C11orf65: variants seen among roughly 807,000 people sequenced by gnomAD.
C11orf65 encodes protein MFI.
A neutral mutation model predicts 35.3 loss-of-function variants in C11orf65; 38 were observed. The ratio of observed to expected loss-of-function variants is 1.08; its 90% CI spans 0.83 to 1.41. C11orf65 has a LOEUF of 1.41. Among genes scored for constraint, C11orf65 ranks in the 40% most tolerant of loss-of-function variants. C11orf65 has a pLI of 0.00. For missense variants in C11orf65, 370 were observed against 367.1 expected, an observed-to-expected ratio of 1.01 and a Z score of -0.06; for synonymous variants, 105 against 114.4, an observed-to-expected ratio of 0.92 and a Z score of 0.53.
intron 6 of C11orf65, among the ~76,000 whole-genome samples, chr11:108,393,635 G>A (rs1018223454): frequency 1.3e-5 from 2 of 152,124 alleles, no homozygotes; most frequent in Non-Finnish European, 2.9e-5. Flanking sequence ...GAAAAACTAA[G>A]TTATTAAATT....
At chr11:108,373,598 G>A (rs1002713594) in intron 2 of C11orf65, among the ~76,000 whole-genome samples, 16 of 152,342 alleles carry the variant, frequency 1.1e-4, no homozygotes, top group East Asian at 5.8e-4. Context: ...TGTGAGCGAC[G>A]CAGAAGACGG....
At chr11:108,335,150 T>C (rs764809565) in intron 3 of C11orf65, 16 of 1,613,052 alleles carry the variant, frequency 9.9e-6, no homozygotes, top group Non-Finnish European at 4.2e-6. Flanking sequence ...AGAGTTTTAG[T>C]GATGAAAATT....
intron 3 of C11orf65, chr11:108,333,008 A>C: frequency 1.5e-6 from 2 of 1,366,844 alleles, no homozygotes; most frequent in Non-Finnish European, 1.0e-6. Flanking sequence ...TCACAAACGT[A>C]ATCCAAAAGC....
rs898891038 is a variant in C11orf65, at chr11:108,425,629, A to G, written c.174+6117T>C. Among the ~76,000 whole-genome samples the G allele has an allele frequency of 3.3e-5, 5 of 152,060 alleles. No individual in the cohort carries two copies. In the East Asian group the frequency reaches 7.7e-4, roughly 24 times the overall value. On this transcript the variant is annotated intron_variant, in intron 3 of 8. Transcript: ENST00000393084. ...TCCAAACAATAGAAAAAGAGGGGCT[A>G]CTCCCTAACTCATTTTATGAGGCCA...
At chr11:108,314,571 A>C (rs2084456447) in intron 6 of C11orf65, among the ~76,000 whole-genome samples, 2 of 152,060 alleles carry the variant, frequency 1.3e-5, no homozygotes, top group Non-Finnish European at 1.5e-5. Context: ...GTCTAGGACC[A>C]GTCTACTGTG....
At chr11:108,343,090 G>T in intron 2 of C11orf65, 2 of 1,152,960 alleles carry the variant, frequency 1.7e-6, no homozygotes, top group Non-Finnish European at 2.6e-6. Context: ...AAGGAGCTTT[G>T]TCTTCTATGG....
chr11:108,333,163 T>C (rs2086465433), intron 3 of C11orf65, among the ~76,000 whole-genome samples: 1 of 152,196 alleles, frequency 6.6e-6, no homozygotes, highest in South Asian at 2.1e-4. Context: ...TTACAGAGAA[T>C]TGCATAATAG....
chr11:108,313,980 A>T (rs1416072187), intron 6 of C11orf65, among the ~76,000 whole-genome samples: 2 of 152,152 alleles, frequency 1.3e-5, no homozygotes, highest in Non-Finnish European at 2.9e-5. Context: ...TAACCAAACT[A>T]CTTTATCCAT....
chr11:108,430,442 A>G (rs2092970603), intron 3 of C11orf65, among the ~76,000 whole-genome samples: 1 of 151,734 alleles, frequency 6.6e-6, no homozygotes, highest in African/African-American at 2.4e-5. Flanking sequence ...CCCAGCCTGA[A>G]CTGTATTCTT....
chr11:108,445,997 G>T (rs566081660), intron 2 of C11orf65, among the ~76,000 whole-genome samples: 2 of 152,158 alleles, frequency 1.3e-5, no homozygotes, highest in Non-Finnish European at 2.9e-5. Context: ...AGGAGCCGAC[G>T]CGATCAACTG....
At position 108,374,031 on chromosome 11, in the gene C11orf65, A is replaced by C. The variant is rs566926230; in HGVS notation, c.226+19177T>G. On this transcript the variant is annotated intron_variant, in intron 2 of 3. Coordinates refer to the C11orf65 transcript ENST00000524755. Reference sequence around the variant, plus strand: ...TAAACAAAGCAGCCGGGAAGCTCCAACTGGGTGGAGCCCACCACAGCTCAA... The same window carrying C: ...TAAACAAAGCAGCCGGGAAGCTCCACCTGGGTGGAGCCCACCACAGCTCAA... Among the ~76,000 whole-genome samples the C allele has an allele frequency of 3.2e-4, 49 of 152,318 alleles. 1 individual carries two copies. In the East Asian group the frequency reaches 9.1e-3, roughly 28 times the overall value.
Position 108,407,997 on chromosome 11 carries a change from TTTATTATTA to T in C11orf65, c.175-857_175-849del, listed in dbSNP as rs140542318. On this transcript the variant is annotated intron_variant, in intron 3 of 8. Coordinates refer to ENST00000393084, the MANE Select transcript of C11orf65 (RefSeq NM_152587.5). The stretch of plus-strand genomic sequence containing the variant: ...TTATGAGCTAAGGACTTAATTTCTT[TTTATTATTA>T]TTATTATTATTATTATTATTATTTT... Among the ~76,000 whole-genome samples, 1,022 of 139,544 alleles carry T rather than the reference TTTATTATTA, an allele frequency of 7.3e-3. 15 individuals carry two copies. The highest frequency in any genetic ancestry group is 0.024 in the African/African-American group (906 of 38,188). The allele number at this position is 139,544 out of a possible 152,430, so 91.5% of individuals were successfully genotyped here. A position where few individuals can be genotyped will look rare whatever the true frequency, so the allele number is the denominator to read the frequency against.
At chr11:108,329,883 T>C (rs1337898896), downstream of C11orf65, among the ~76,000 whole-genome samples, 1 of 152,260 alleles carries the variant, frequency 6.6e-6, no homozygotes, top group East Asian at 1.9e-4. Context: ...GAGATAGATA[T>C]TGAAATTAAT....
rs1338371572 is a variant in C11orf65 at position 108,365,527 on chromosome 11, C to T, written c.226+27681G>A. ...GGTGTGATCTTCAGTATATGAATTA[C>T]CCTTTCATTCAGCCTTTAGAAATTA... On this transcript the variant is annotated intron_variant, in intron 2 of 3. Transcript: ENST00000524755. 8 of 1,612,356 alleles carry T rather than the reference C, an allele frequency of 5.0e-6. No homozygotes were observed. The highest frequency in any genetic ancestry group is 6.8e-6 in the Non-Finnish European group (8 of 1,178,874).
At chr11:108,351,460 A>C (rs1461624279) in intron 2 of C11orf65, among the ~76,000 whole-genome samples, 2 of 152,234 alleles carry the variant, frequency 1.3e-5, no homozygotes, top group Non-Finnish European at 2.9e-5. Flanking sequence ...ATTTATTATT[A>C]TCTCTCATAG....
intron 2 of C11orf65, among the ~76,000 whole-genome samples, chr11:108,435,898 G>C (rs1244237103): frequency 1.3e-5 from 2 of 152,110 alleles, no homozygotes; most frequent in Non-Finnish European, 2.9e-5. Flanking sequence ...CTGTTACATG[G>C]AGAGGGTGAA....
chr11:108,368,054 A>C (rs1454007752), intron 2 of C11orf65: 1 of 208,042 alleles, frequency 4.8e-6, no homozygotes, highest in Non-Finnish European at 9.8e-6. Context: ...GAATAACATC[A>C]TTAATCTACT....
In C11orf65 at chr11:108,345,818, C is replaced by T. The variant is rs587779872; in HGVS notation, c.227-10526G>A. 1.9e-5 allele frequency: 30 copies of T among 1,613,666 alleles called. No individual in the cohort carries two copies. The highest frequency in any genetic ancestry group is 5.3e-5 in the African/African-American group (4 of 74,880). ...TTGCCAAAATTTTCAACCAGTTTTC[C>T]GTTACTTCTGCATGGAAAAATTCTT... is the stretch of plus-strand genomic sequence containing the variant. On this transcript the variant is annotated intron_variant, in intron 2 of 3. Coordinates refer to the C11orf65 transcript ENST00000524755.
At chr11:108,437,501 C>T (rs563303660) in intron 2 of C11orf65, among the ~76,000 whole-genome samples, 15 of 151,754 alleles carry the variant, frequency 9.9e-5, no homozygotes, top group South Asian at 6.2e-4. Flanking sequence ...GTCAAGAGAT[C>T]GAAACCATCC....
Sources: gnomAD v4.1 joint callset for allele counts (sites outside exome capture counted in the v4.1 genomes callset) on GRCh38, gnomAD v4.1.1 for gene constraint, MANE v1.5 for transcripts, NCBI Gene and HGNC (gene_info 2026-07-23, HGNC 2026-07-21) for gene names.